SEMA3D: variants seen among roughly 807,000 people sequenced by gnomAD.
The protein encoded by SEMA3D is semaphorin-3D.
A neutral mutation model predicts 100.1 loss-of-function variants in SEMA3D; 84 were observed. That is an observed-to-expected ratio of 0.84 (90% confidence interval 0.70 to 1.01). SEMA3D has a LOEUF of 1.01. Ranked by LOEUF, SEMA3D falls within the 50% of genes least tolerant of loss-of-function variation. The probability of loss-of-function intolerance (pLI) is 0.00; values close to 1 mark genes in which losing one functional copy is unlikely to be tolerated. For synonymous variants in SEMA3D, 312 were observed against 320.7 expected (o/e 0.97, Z 0.29); for missense variants, 875 against 934.1 (o/e 0.94, Z 0.82).
chr7:85,058,449 T>C (rs1268389424), intron 8 of SEMA3D, among the ~76,000 whole-genome samples: 2 of 151,996 alleles, frequency 1.3e-5, no homozygotes. Flanking sequence ...TATTTAAACA[T>C]GTTTTCTTTT....
At chr7:85,093,389 T>C (rs183733790) in intron 4 of SEMA3D, among the ~76,000 whole-genome samples, 12 of 152,118 alleles carry the variant, frequency 7.9e-5, no homozygotes, top group Admixed American at 2.0e-4. Flanking sequence ...TGATGATCTA[T>C]TGTTCCATTT....
intron 2 of SEMA3D, among the ~76,000 whole-genome samples, chr7:85,152,114 T>C (rs1368323665): frequency 6.6e-6 from 1 of 152,084 alleles, no homozygotes; most frequent in East Asian, 1.9e-4. Flanking sequence ...TTTTATTTTA[T>C]ACCTATCTTT....
chr7:85,068,284 CCT>C lies in SEMA3D; in HGVS notation c.496-2_496-1del. ...TGTGTGTCTAGTTTGAATATAATATCCTGTTATGAGAAATATTAACACTAGTG... is the reference window on the plus strand; with the variant it reads ...TGTGTGTCTAGTTTGAATATAATATCGTTATGAGAAATATTAACACTAGTG... On this transcript the variant is annotated splice_acceptor_variant, in intron 6 of 18. Transcript: ENST00000284136. LOFTEE classifies it high-confidence loss of function. The C allele has an allele frequency of 6.5e-7, 1 of 1,526,922 alleles. No individual in the cohort carries two copies. Among genetic ancestry groups the C allele is most frequent in the Non-Finnish European group, 9.1e-7 (1 of 1,101,226 alleles). The allele number at this position is 1,526,922 out of a possible 1,614,324, so 94.6% of individuals were successfully genotyped here.
At chr7:85,104,520 G>A (rs1406134599) in intron 3 of SEMA3D, among the ~76,000 whole-genome samples, 2 of 151,858 alleles carry the variant, frequency 1.3e-5, no homozygotes, top group East Asian at 1.9e-4. Flanking sequence ...CTCCCTTTTA[G>A]TGTCCCTTAA....
chr7:84,995,597 C>T lies in SEMA3D; in HGVS notation c.*3843G>A, dbSNP rs895300788. ...GTCATGTTTGCATTTTATTATAATA[C>T]AACCAAAATATACATTTAACAATTT... On this transcript the variant is annotated 3_prime_UTR_variant, in exon 19 of 19. Transcript: ENST00000284136. The T allele has an allele frequency of 6.6e-6, 1 of 151,970 alleles. No individual in the cohort carries two copies. The highest frequency in any genetic ancestry group is 2.4e-5 in the African/African-American group (1 of 41,416). The allele number at this position is 151,970 out of a possible 1,614,324, so 9.4% of individuals were successfully genotyped here.
chr7:85,008,491 T>C (rs554871438), intron 17 of SEMA3D, among the ~76,000 whole-genome samples: 64 of 151,892 alleles, frequency 4.2e-4, no homozygotes, highest in African/African-American at 1.5e-3. Context: ...TAAAAGTTTT[T>C]AAACGTACAT....
At chr7:85,124,194 T>G (rs1278176544) in intron 2 of SEMA3D, among the ~76,000 whole-genome samples, 1 of 152,054 alleles carries the variant, frequency 6.6e-6, no homozygotes, top group East Asian at 1.9e-4. Flanking sequence ...TTTGAATCAT[T>G]CAATCTCAAT....
Position 85,147,092 on chromosome 7 carries a change from C to CTTTTTTTTTTTTT in SEMA3D, c.-41+6503_-41+6515dup, listed in dbSNP as rs752922884. 8.3e-4 allele frequency among the ~76,000 whole-genome samples: 40 copies of CTTTTTTTTTTTTT among 48,152 alleles called. 5 individuals carry two copies. The highest frequency in any genetic ancestry group is 1.6e-3 in the East Asian group (4 of 2,524). The allele number at this position is 48,152 out of a possible 152,430, so 31.6% of individuals were successfully genotyped here. On this transcript the variant is annotated intron_variant, in intron 2 of 18. Transcript: ENST00000284136. ...TCTTTCTTTCTTTTCTTTTTCTTTT[C>CTTTTTTTTTTTTT]TTTTTTTTTTTTTTTTTTTTTTTTT...
At chr7:85,080,417 G>A (rs1788021394) in intron 5 of SEMA3D, among the ~76,000 whole-genome samples, 1 of 152,102 alleles carries the variant, frequency 6.6e-6, no homozygotes, top group Non-Finnish European at 1.5e-5. Context: ...CTATCACATT[G>A]ATAGAGGATT....
At chr7:85,230,077 G>A in the SEMA3D span, among the ~76,000 whole-genome samples, 2 of 152,068 alleles carry the variant, frequency 1.3e-5, no homozygotes, top group African/African-American at 2.4e-5. Flanking sequence ...CCAGATAAAT[G>A]TGCAGCAAAA....
chr7:85,120,380 G>A (rs896613170), intron 3 of SEMA3D, among the ~76,000 whole-genome samples: 2 of 151,878 alleles, frequency 1.3e-5, no homozygotes, highest in East Asian at 1.9e-4. Context: ...TTTAGTTATC[G>A]ATTGTGGCCA....
In SEMA3D at chr7:84,996,507, A is replaced by G. The variant is rs1159116244; in HGVS notation, c.*2933T>C. 6.6e-6 allele frequency: 1 copy of G among 152,086 alleles called. No individual in the cohort carries two copies. The highest frequency in any genetic ancestry group is 1.5e-5 in the Non-Finnish European group (1 of 67,898). The allele number at this position is 152,086 out of a possible 1,614,324, so 9.4% of individuals were successfully genotyped here. A position where few individuals can be genotyped will look rare whatever the true frequency, so the allele number is the denominator to read the frequency against. On this transcript the variant is annotated 3_prime_UTR_variant, in exon 19 of 19. Transcript: ENST00000284136. The stretch of plus-strand genomic sequence containing the variant: ...TTAAGTAATTTGGTTGGTTTCCAAA[A>G]GTCAATAATGTGGATGTAGTGTTTT...
intron 4 of SEMA3D, among the ~76,000 whole-genome samples, chr7:85,087,531 T>C (rs557349278): frequency 1.4e-4 from 21 of 152,324 alleles, no homozygotes; most frequent in African/African-American, 5.1e-4. Flanking sequence ...AGCTAGTAAT[T>C]GAACAATTAT....
intron 18 of SEMA3D, among the ~76,000 whole-genome samples, chr7:85,005,873 C>T (rs755763800): frequency 6.6e-6 from 1 of 151,996 alleles, no homozygotes; most frequent in Non-Finnish European, 1.5e-5. Context: ...CTGTTATGTA[C>T]TAATGTTTGA....
At chr7:85,060,982 A>C (rs1478090696) in intron 8 of SEMA3D, among the ~76,000 whole-genome samples, 2 of 152,186 alleles carry the variant, frequency 1.3e-5, no homozygotes, top group East Asian at 1.9e-4. Context: ...CACACTTCTT[A>C]GTTTTATCCT....
At chr7:85,045,680 C>T (rs570948030) in intron 9 of SEMA3D, among the ~76,000 whole-genome samples, 9 of 151,866 alleles carry the variant, frequency 5.9e-5, no homozygotes, top group Admixed American at 2.0e-4. Context: ...AAAATATTGA[C>T]GCTTTCTCCT....
At chr7:85,128,164 T>C (rs1354974929) in intron 2 of SEMA3D, among the ~76,000 whole-genome samples, 1 of 151,480 alleles carries the variant, frequency 6.6e-6, no homozygotes, top group Non-Finnish European at 1.5e-5. Context: ...TTTATTTTAT[T>C]ATTTTATTTT....
rs549378446 is a variant in SEMA3D, at chr7:85,120,188, AAG to A, written c.151+1551_151+1552del. On this transcript the variant is annotated intron_variant, in intron 3 of 18. Coordinates refer to ENST00000284136, the MANE Select transcript of SEMA3D (RefSeq NM_001384900.1). The stretch of plus-strand genomic sequence containing the variant: ...TATCTAGTTGAAGAGTTGTTTATGG[AAG>A]AAGGTATAATTCAATACTATTTATA... Among the ~76,000 whole-genome samples the A allele has an allele frequency of 4.4e-3, 669 of 152,214 alleles. 3 individuals carry two copies. Among genetic ancestry groups the A allele is most frequent in the Non-Finnish European group, 6.7e-3 (455 of 68,012 alleles).
intron 8 of SEMA3D, among the ~76,000 whole-genome samples, chr7:85,056,264 G>A (rs529507089): frequency 6.6e-6 from 1 of 152,106 alleles, no homozygotes; most frequent in South Asian, 2.1e-4. Flanking sequence ...ATACTTTGAT[G>A]AATTTTGTGT....
Sources: allele counts gnomAD v4.1 joint callset (sites outside exome capture counted in the v4.1 genomes callset), GRCh38; gene constraint gnomAD v4.1.1; transcripts MANE v1.5; gene names NCBI Gene and HGNC (gene_info 2026-07-23, HGNC 2026-07-21).